The following FAM3C variants were observed in gnomAD, a reference collection of about 807,000 sequenced individuals.
FAM3C encodes FAM3 metabolism regulating signaling molecule C.
In FAM3C, 15 loss-of-function variants were observed where a neutral mutation model predicts 32.5. The ratio of observed to expected loss-of-function variants is 0.46; its 90% CI spans 0.31 to 0.71. FAM3C has a LOEUF of 0.71. Ranked by LOEUF, FAM3C falls within the 30% of genes least tolerant of loss-of-function variation. The pLI is 0.05. For synonymous variants in FAM3C, 75 were observed against 86.1 expected (o/e 0.87, Z 0.72); for missense variants, 175 against 274.4 (o/e 0.64, Z 2.56).
chr7:121,364,296 T>C (rs1201768487), intron 5 of FAM3C, 108 bp from the exon 6 acceptor site: 3 of 720,446 alleles, frequency 4.2e-6, no homozygotes, highest in Non-Finnish European at 7.3e-6. Flanking sequence ...ATATTTTCAA[T>C]TGTTCAGTGC....
chr7:121,388,235 A>AACACACACACACACACACACAC (rs10676450), intron 1 of FAM3C, among the ~76,000 whole-genome samples: 1 of 147,822 alleles, frequency 6.8e-6, no homozygotes, highest in Non-Finnish European at 1.5e-5. Context: ...CCACCATTTT[A>AACACACACACACACACACACAC]ACACACACAC....
Position 121,372,129 on chromosome 7 carries a change from T to C in FAM3C, c.129A>G (p.Ala43=), listed in dbSNP as rs1347795161. 6.2e-7 allele frequency: 1 copy of C among 1,607,270 alleles called. No individual in the cohort carries two copies. Among genetic ancestry groups the C allele is most frequent in the African/African-American group, 1.3e-5 (1 of 74,180 alleles). The change falls in exon 4 of 10, where the codon GCA becomes GCG. Residue 43 remains alanine, a synonymous_variant. Transcript: ENST00000359943. ...ACTTACAACGTGCAGCTGTGTCCAA[T>C]GCTGATCTTGCTGAAAAAAAAAAAT... ...ASLGNLFARS[A]LDTAARSTKP...
chr7:121,365,290 A>C (rs1030250775), intron 5 of FAM3C, among the ~76,000 whole-genome samples: 7 of 152,172 alleles, frequency 4.6e-5, no homozygotes, highest in Non-Finnish European at 1.0e-4. Flanking sequence ...AAAATAAAGA[A>C]AAACAAATAA....
chr7:121,383,143 A>T (rs1584706380), intron 1 of FAM3C, 133 bp from the exon 2 acceptor site: 1 of 97,682 alleles, frequency 1.0e-5, no homozygotes, highest in East Asian at 2.0e-4. Context: ...CATTGGCATT[A>T]AAAAAAAAAA....
intron 8 of FAM3C, among the ~76,000 whole-genome samples, chr7:121,357,087 G>T (rs1793829219): frequency 6.6e-6 from 1 of 152,168 alleles, no homozygotes; most frequent in Admixed American, 6.5e-5. Flanking sequence ...ATATGTACTT[G>T]TAAAGGACAG....
chr7:121,361,049 C>A (rs979893294), intron 7 of FAM3C, among the ~76,000 whole-genome samples: 3 of 152,132 alleles, frequency 2.0e-5, no homozygotes, highest in Non-Finnish European at 4.4e-5. Flanking sequence ...TAGGTGATCA[C>A]TAAAAGCCAA....
At chr7:121,373,713 T>C (rs1794189223) in intron 3 of FAM3C, among the ~76,000 whole-genome samples, 1 of 152,102 alleles carries the variant, frequency 6.6e-6, no homozygotes, top group South Asian at 2.1e-4. Flanking sequence ...TAAAAATAAA[T>C]AAATTCAATA....
chr7:121,371,754 G>A (rs1243203464), intron 4 of FAM3C, among the ~76,000 whole-genome samples: 1 of 151,972 alleles, frequency 6.6e-6, no homozygotes, highest in Non-Finnish European at 1.5e-5. Context: ...TTAGGATGTG[G>A]GGGGTTCTGA....
At chr7:121,374,534 C>G (rs1172957498) in intron 3 of FAM3C, among the ~76,000 whole-genome samples, 3 of 152,124 alleles carry the variant, frequency 2.0e-5, no homozygotes, top group Non-Finnish European at 4.4e-5. Context: ...GTGATTATAG[C>G]AAGAATCCTC....
chr7:121,365,117 A>G (rs1794000151), intron 5 of FAM3C, among the ~76,000 whole-genome samples: 1 of 152,134 alleles, frequency 6.6e-6, no homozygotes, highest in Non-Finnish European at 1.5e-5. Context: ...ATAGCACACA[A>G]TTTCATAAAT....
Position 121,369,376 on chromosome 7 carries a change from CT to C in FAM3C, c.272+1923del, listed in dbSNP as rs1318022742. The stretch of plus-strand genomic sequence containing the variant: ...ACAGGAGGGATTATGCTCAAAAATA[CT>C]TGCTGAACAGGTGAATAAATGACTC... On this transcript the variant is annotated intron_variant, in intron 5 of 9. Coordinates refer to ENST00000359943, the MANE Select transcript of FAM3C (RefSeq NM_014888.3). Among the ~76,000 whole-genome samples, 3 of 152,258 alleles carry C rather than the reference CT, an allele frequency of 2.0e-5. No individual in the cohort carries two copies. The East Asian group carries it at 5.8e-4, about 29-fold the overall frequency.
chr7:121,386,204 G>A (rs1193308730), intron 1 of FAM3C, among the ~76,000 whole-genome samples: 2 of 152,060 alleles, frequency 1.3e-5, no homozygotes, highest in Non-Finnish European at 2.9e-5. Flanking sequence ...ACCCTTTGAT[G>A]TACCTACTTA....
intron 1 of FAM3C, among the ~76,000 whole-genome samples, chr7:121,390,306 A>G (rs922306206): frequency 6.6e-6 from 1 of 152,230 alleles, no homozygotes; most frequent in Non-Finnish European, 1.5e-5. Context: ...TTGCAAAATT[A>G]TAACTGAAAT....
intron 5 of FAM3C, among the ~76,000 whole-genome samples, chr7:121,367,287 G>T (rs113450444): frequency 3.3e-5 from 5 of 152,222 alleles, no homozygotes; most frequent in Non-Finnish European, 5.9e-5. Context: ...GCTACTTCAT[G>T]TCCTAGTTAT....
At position 121,351,146 on chromosome 7, in the gene FAM3C, T is replaced by A; in HGVS notation, c.591A>T (p.Glu197Asp). The A allele has an allele frequency of 1.2e-6, 2 of 1,613,216 alleles. No individual in the cohort carries two copies. The highest frequency in any genetic ancestry group is 1.7e-6 in the Non-Finnish European group (2 of 1,179,622). ...GKGIKTKSPFEQHIKNNKDTN... is the reference protein window; with the variant it reads ...GKGIKTKSPFDQHIKNNKDTN... ...TCTGAGAGTCTATGACACTAACCTG[T>A]TCAAAAGGGCTTTTTGTCTTAATGC... The change falls in exon 9 of 10, where the codon GAA becomes GAT. Residue 197 changes from glutamate to aspartate, a missense_variant. Coordinates refer to ENST00000359943, the MANE Select transcript of FAM3C (RefSeq NM_014888.3).
Position 121,373,995 on chromosome 7 carries a change from C to CA in FAM3C, c.119-1857dup, listed in dbSNP as rs34141050. Among the ~76,000 whole-genome samples the CA allele has an allele frequency of 1.0e-2, 1,068 of 106,900 alleles. 8 individuals are homozygous for CA. The highest frequency in any genetic ancestry group is 0.015 in the Non-Finnish European group (767 of 50,234). The allele number at this position is 106,900 out of a possible 152,430, so 70.1% of individuals were successfully genotyped here. A position where few individuals can be genotyped will look rare whatever the true frequency, so the allele number is the denominator to read the frequency against. On this transcript the variant is annotated intron_variant, in intron 3 of 9. Transcript: ENST00000359943. Reference sequence around the variant, plus strand: ...TGGGCGACAGAGCAAGACTCCGTCTCAAAAAAAAAAAAGAAAAAAAAAAAG... The same window carrying CA: ...TGGGCGACAGAGCAAGACTCCGTCTCAAAAAAAAAAAAAGAAAAAAAAAAAG...
At chr7:121,363,436 CTT>C (rs1227257474) in intron 6 of FAM3C, among the ~76,000 whole-genome samples, 1 of 152,036 alleles carries the variant, frequency 6.6e-6, no homozygotes, top group Non-Finnish European at 1.5e-5. Context: ...GATGTTGAAC[CTT>C]TTACCTAAGG....
intron 8 of FAM3C, among the ~76,000 whole-genome samples, chr7:121,352,188 GTACT>G (rs1793719913): frequency 6.6e-6 from 1 of 152,142 alleles, no homozygotes; most frequent in South Asian, 2.1e-4. Flanking sequence ...AGTGAGGAAG[GTACT>G]TATTCATTCT....
At chr7:121,379,444 A>C (rs1266884410) in intron 2 of FAM3C, among the ~76,000 whole-genome samples, 2 of 152,102 alleles carry the variant, frequency 1.3e-5, no homozygotes, top group Non-Finnish European at 2.9e-5. Flanking sequence ...AATGTCCACT[A>C]AGCGAGGAAT....
Sources: gnomAD v4.1 joint callset for allele counts (sites outside exome capture counted in the v4.1 genomes callset) on GRCh38, gnomAD v4.1.1 for gene constraint, MANE v1.5 for transcripts, NCBI Gene and HGNC (gene_info 2026-07-23, HGNC 2026-07-21) for gene names.